The following NKAIN2 variants were observed in gnomAD, a reference collection of about 807,000 sequenced individuals.
NKAIN2 encodes the protein sodium/potassium-transporting ATPase subunit beta-1-interacting protein 2.
NKAIN2 carries 14 observed loss-of-function variants against 32.6 expected under a neutral mutation model. The observed-to-expected ratio is 0.43, with a 90% CI of 0.28 to 0.67. NKAIN2 has a LOEUF of 0.67. Ranked by LOEUF, NKAIN2 falls within the 30% of genes least tolerant of loss-of-function variation. The pLI is 0.17. For synonymous variants in NKAIN2, 80 were observed against 87.2 expected, an observed-to-expected ratio of 0.92 and a Z score of 0.46; for missense variants, 198 against 258.3, an observed-to-expected ratio of 0.77 and a Z score of 1.60.
intron 1 of NKAIN2, among the ~76,000 whole-genome samples, chr6:124,052,087 T>C (rs1169982928): frequency 1.3e-5 from 2 of 152,068 alleles, no homozygotes. Context: ...ATAATGGTTA[T>C]TTTGGTATAA....
At position 124,134,279 on chromosome 6, in the gene NKAIN2, A is replaced by G. The variant is rs116876665; in HGVS notation, c.55-148726A>G. The stretch of plus-strand genomic sequence containing the variant: ...AAAAGATTCAACAGTAGACTAGAAC[A>G]AGTGGAAGAAAGAACTTCAGAGCTT... On this transcript the variant is annotated intron_variant, in intron 1 of 6. Coordinates refer to ENST00000368417, the MANE Select transcript of NKAIN2 (RefSeq NM_001040214.3). Among the ~76,000 whole-genome samples the G allele has an allele frequency of 3.1e-3, 478 of 152,270 alleles. 3 individuals carry two copies. The highest frequency in any genetic ancestry group is 4.8e-3 in the Non-Finnish European group (324 of 68,026).
chr6:124,126,507 A>T (rs1018227921), intron 1 of NKAIN2, among the ~76,000 whole-genome samples: 4 of 152,140 alleles, frequency 2.6e-5, no homozygotes, highest in African/African-American at 9.7e-5. Flanking sequence ...AACTCTATCT[A>T]CTATTGATGA....
intron 3 of NKAIN2, among the ~76,000 whole-genome samples, chr6:124,462,580 C>T (rs550558006): frequency 1.5e-4 from 23 of 151,984 alleles, no homozygotes; most frequent in African/African-American, 5.1e-4. Context: ...TTTTATATAT[C>T]TCAGGCTGCC....
At chr6:124,318,087 A>T (rs540609732) in intron 2 of NKAIN2, among the ~76,000 whole-genome samples, 2 of 152,042 alleles carry the variant, frequency 1.3e-5, no homozygotes, top group Non-Finnish European at 2.9e-5. Context: ...TTTCAATACC[A>T]TGTCTTCTGC....
chr6:124,530,047 T>C lies in NKAIN2; in HGVS notation c.274-128139T>C, dbSNP rs141188280. On this transcript the variant is annotated intron_variant, in intron 3 of 6. Coordinates refer to ENST00000368417, the MANE Select transcript of NKAIN2 (RefSeq NM_001040214.3). ...TTTCTTTTCCCCATGTGAAGATATG[T>C]ATTAGTGACAGTTCTTCAGAGAACC... 5.8e-3 allele frequency among the ~76,000 whole-genome samples: 878 copies of C among 152,306 alleles called. 5 individuals carry two copies. The highest frequency in any genetic ancestry group is 9.0e-3 in the Non-Finnish European group (614 of 68,030).
intron 1 of NKAIN2, among the ~76,000 whole-genome samples, chr6:123,910,499 G>GTGTTTTTTT (rs1491095246): frequency 4.9e-5 from 4 of 81,312 alleles, no homozygotes; most frequent in African/African-American, 2.0e-4. Context: ...TGCAATGCAT[G>GTGTTTTTTT]TTTTTTTTTT....
chr6:123,889,600 G>A (rs907643488), intron 1 of NKAIN2, among the ~76,000 whole-genome samples: 5 of 152,228 alleles, frequency 3.3e-5, no homozygotes, highest in African/African-American at 1.2e-4. Flanking sequence ...TTAAATGAGT[G>A]TCCAACTTAC....
intron 1 of NKAIN2, among the ~76,000 whole-genome samples, chr6:124,080,069 C>T (rs2048338): frequency 0.34 from 51,710 of 151,868 alleles, 9,521 homozygotes; most frequent in South Asian, 0.43. Context: ...TATAGATTAA[C>T]GCCCATGGGA....
intron 3 of NKAIN2, among the ~76,000 whole-genome samples, chr6:124,510,609 G>T (rs972011596): frequency 6.6e-6 from 1 of 152,250 alleles, no homozygotes; most frequent in East Asian, 1.9e-4. Context: ...AAGCAATCTG[G>T]TTCACAGTTA....
At chr6:124,176,517 A>G (rs1789165823) in intron 1 of NKAIN2, among the ~76,000 whole-genome samples, 1 of 152,150 alleles carries the variant, frequency 6.6e-6, no homozygotes, top group Non-Finnish European at 1.5e-5. Flanking sequence ...ATGTTGAATG[A>G]CAGTGGTGAA....
intron 1 of NKAIN2, among the ~76,000 whole-genome samples, chr6:124,039,508 T>G (rs1193700922): frequency 6.6e-6 from 1 of 151,980 alleles, no homozygotes; most frequent in Non-Finnish European, 1.5e-5. Flanking sequence ...TAATTCTACA[T>G]TATTTTGTTT....
At chr6:124,576,395 T>C (rs1472240395) in intron 3 of NKAIN2, among the ~76,000 whole-genome samples, 1 of 152,202 alleles carries the variant, frequency 6.6e-6, no homozygotes, top group African/African-American at 2.4e-5. Context: ...GCGGTAGAAC[T>C]CAAATTTGAT....
At chr6:124,327,237 G>T (rs925920588) in intron 2 of NKAIN2, among the ~76,000 whole-genome samples, 1 of 151,880 alleles carries the variant, frequency 6.6e-6, no homozygotes, top group African/African-American at 2.4e-5. Flanking sequence ...AATTTTGGAG[G>T]GATTAAAAAC....
rs76995465 is a variant in NKAIN2, at chr6:124,585,841, C to T, written c.274-72345C>T. Among the ~76,000 whole-genome samples, 1,299 of 152,148 alleles carry T rather than the reference C, an allele frequency of 8.5e-3. 25 individuals carry two copies. The highest frequency in any genetic ancestry group is 0.03 in the African/African-American group (1,230 of 41,506). On this transcript the variant is annotated intron_variant, in intron 3 of 6. Coordinates refer to ENST00000368417, the MANE Select transcript of NKAIN2 (RefSeq NM_001040214.3). Reference sequence around the variant, plus strand: ...GAACAACTATGTGAGTTTTGACAAGCAGAGGTTTAAGTTTGGACAAAATTC... The same window carrying T: ...GAACAACTATGTGAGTTTTGACAAGTAGAGGTTTAAGTTTGGACAAAATTC...
chr6:124,710,692 C>G (rs553421718), intron 4 of NKAIN2, among the ~76,000 whole-genome samples: 1 of 148,898 alleles, frequency 6.7e-6, no homozygotes, highest in Admixed American at 6.7e-5. Context: ...GGTAGATCTT[C>G]CTCCATCCTT....
chr6:124,103,576 C>G (rs1272338811), intron 1 of NKAIN2, among the ~76,000 whole-genome samples: 2 of 152,014 alleles, frequency 1.3e-5, no homozygotes, highest in African/African-American at 4.8e-5. Flanking sequence ...TCTAATAATG[C>G]CTTCAAATGT....
intron 1 of NKAIN2, among the ~76,000 whole-genome samples, chr6:123,945,943 A>T (rs970524557): frequency 2.0e-5 from 3 of 152,174 alleles, no homozygotes; most frequent in African/African-American, 7.2e-5. Flanking sequence ...ATTTATGGTA[A>T]CATCTGTTTC....
intron 1 of NKAIN2, among the ~76,000 whole-genome samples, chr6:123,886,397 G>A (rs1409023772): frequency 1.3e-5 from 2 of 152,128 alleles, no homozygotes; most frequent in South Asian, 2.1e-4. Flanking sequence ...AGCACACCCA[G>A]TACATAGTGT....
chr6:124,532,961 A>G (rs1779579561), intron 3 of NKAIN2, among the ~76,000 whole-genome samples: 1 of 152,110 alleles, frequency 6.6e-6, no homozygotes, highest in African/African-American at 2.4e-5. Context: ...AAAAGATAGG[A>G]GCTGGGTTTG....
Sources: allele counts gnomAD v4.1 joint callset (sites outside exome capture counted in the v4.1 genomes callset), GRCh38; gene constraint gnomAD v4.1.1; transcripts MANE v1.5; gene names NCBI Gene and HGNC (gene_info 2026-07-23, HGNC 2026-07-21).